The following SFRP4 variants were observed in gnomAD, a reference collection of about 807,000 sequenced individuals.
SFRP4 encodes the protein secreted frizzled-related protein 4.
In SFRP4, 25 loss-of-function variants were observed where a neutral mutation model predicts 36.3. The observed-to-expected ratio is 0.69, with a 90% confidence interval of 0.50 to 0.96. The LOEUF (loss-of-function observed/expected upper bound fraction) is 0.96. Among genes scored for constraint, SFRP4 ranks in the 40% least tolerant of loss-of-function variants. The probability of loss-of-function intolerance (pLI) is 0.00; values close to 1 mark genes in which losing one functional copy is unlikely to be tolerated. For synonymous variants in SFRP4, 182 were observed against 168.8 expected, an observed-to-expected ratio of 1.08 and a Z score of -0.60; for missense variants, 487 against 459.6, an observed-to-expected ratio of 1.06 and a Z score of -0.54.
In SFRP4 at chr7:37,916,549, C is replaced by T. The variant is rs767154501; in HGVS notation, c.-12G>A. 6.3e-7 allele frequency: 1 copy of T among 1,596,180 alleles called. No homozygotes were observed. ...ATGGAGAGGAACATGGCACTGCCCT[C>T]TCGCGCTGCGACCCCGGCAGACAGA... On this transcript the variant is annotated 5_prime_UTR_variant, in exon 1 of 6. Transcript: ENST00000436072. The surrounding 1 kb of genome is among the most constrained non-coding windows in gnomAD (Gnocchi z 4.1).
chr7:37,915,161 T>G (rs180774409), intron 1 of SFRP4, among the ~76,000 whole-genome samples: 17 of 152,370 alleles, frequency 1.1e-4, no homozygotes, highest in African/African-American at 3.8e-4. Flanking sequence ...CCTCATATCT[T>G]GCAGTGCAGA....
Position 37,912,202 on chromosome 7 carries a change from C to T in SFRP4, c.708G>A (p.Pro236=), listed in dbSNP as rs201521536. 4.7e-5 allele frequency: 76 copies of T among 1,614,026 alleles called. No homozygotes were observed. The highest frequency in any genetic ancestry group is 1.8e-4 in the East Asian group (8 of 44,892). Residue 236 remains proline (P), a synonymous_variant, in exon 4 of 6, where the codon CCG becomes CCA. Coordinates refer to ENST00000436072, the MANE Select transcript of SFRP4 (RefSeq NM_003014.4). ...SSSPIPRTQV[P]LITNSSCQCP... ...ACTGGCAAGAAGAATTTGTAATGAG[C>T]GGGACTTGAGTTCGAGGGATGGGTG...
Position 37,916,214 on chromosome 7 carries a change from G to C in SFRP4, c.324C>G (p.Cys108Trp). The C allele has an allele frequency of 6.2e-7, 1 of 1,614,188 alleles. No individual in the cohort carries two copies. Among genetic ancestry groups the C allele is most frequent in the Non-Finnish European group, 8.5e-7 (1 of 1,180,034 alleles). The stretch of plus-strand genomic sequence containing the variant: ...GGTTGTACATCTTCATGAGGGGCTC[G>C]CAGTCGTCGCGCGCGCGTTGGCACA... ...KSVCQRARDD[C>W]EPLMKMYNHS... The change falls in exon 1 of 6, where the codon TGC becomes TGG. Residue 108 changes from cysteine to tryptophan, a missense_variant. By Grantham distance (215) the Cys-to-Trp change is radical. Transcript: ENST00000436072. This position sits in a 1 kb window ranked among gnomAD's most constrained non-coding sequence, Gnocchi z 4.1.
At chr7:37,907,722 G>C (rs1474595222) in intron 5 of SFRP4, 58 bp from the exon 6 acceptor site, 1 of 1,335,268 alleles carries the variant, frequency 7.5e-7, no homozygotes, top group Non-Finnish European at 1.0e-6. Flanking sequence ...ATGGTGCTCA[G>C]CTAATGTGAA....
At position 37,909,597 on chromosome 7, in the gene SFRP4, G is replaced by A; in HGVS notation, c.855+20C>T. 1.4e-6 allele frequency: 2 copies of A among 1,449,774 alleles called. No individual in the cohort carries two copies. Among genetic ancestry groups the A allele is most frequent in the East Asian group, 2.4e-5 (1 of 41,154 alleles). 89.8% of individuals were successfully genotyped at this position (1,449,774 alleles called of 1,614,324 possible). A position where few individuals can be genotyped will look rare whatever the true frequency, so the allele number is the denominator to read the frequency against. On this transcript the variant is annotated intron_variant, in intron 5 of 5. Coordinates refer to ENST00000436072, the MANE Select transcript of SFRP4 (RefSeq NM_003014.4). ...ATGTGCACTTACATCCATCTTCACA[G>A]CATTGTTCATGATACTTACTATGGA... is the stretch of plus-strand genomic sequence containing the variant.
chr7:37,909,537 A>G, intron 5 of SFRP4, 80 bp downstream of exon 5: 1 of 773,554 alleles, frequency 1.3e-6, no homozygotes, highest in Non-Finnish European at 2.0e-6. Context: ...AGATTAGAGA[A>G]TGGGAAGAAT....
At chr7:37,914,724 G>T (rs1265434251) in intron 1 of SFRP4, among the ~76,000 whole-genome samples, 1 of 152,152 alleles carries the variant, frequency 6.6e-6, no homozygotes, top group African/African-American at 2.4e-5. Context: ...AATTAGCCAG[G>T]CATGGTGGTG....
At chr7:37,908,664 T>C (rs1431978891) in intron 5 of SFRP4, among the ~76,000 whole-genome samples, 1 of 152,180 alleles carries the variant, frequency 6.6e-6, no homozygotes, top group Admixed American at 6.5e-5. Context: ...CTTGCCTTCA[T>C]GTATTGATGC....
In SFRP4 at chr7:37,916,665, A is replaced by C; in HGVS notation, c.-128T>G. ...GGGCGCAGGAGAGTTTCTTCCCCCA[A>C]ACTCCAGTCGGCAGCAAAGCGGGGC... On this transcript the variant is annotated 5_prime_UTR_variant, in exon 1 of 6. Coordinates refer to ENST00000436072, the MANE Select transcript of SFRP4 (RefSeq NM_003014.4). This position sits in a 1 kb window ranked among gnomAD's most constrained non-coding sequence, Gnocchi z 4.1. 3.7e-6 allele frequency: 5 copies of C among 1,362,676 alleles called. No individual in the cohort carries two copies. The highest frequency in any genetic ancestry group is 4.9e-6 in the Non-Finnish European group (5 of 1,023,538). 84.4% of individuals were successfully genotyped at this position (1,362,676 alleles called of 1,614,324 possible).
intron 1 of SFRP4, 54 bp from the exon 2 acceptor site, chr7:37,914,507 C>T (rs1042417927): frequency 1.6e-5 from 20 of 1,278,014 alleles, no homozygotes; most frequent in Non-Finnish European, 2.1e-5. Context: ...TCTGTTCACC[C>T]AGCTGGTATA....
In SFRP4 at chr7:37,907,407, A is replaced by C; in HGVS notation, c.*72T>G. ...GGGCAAGGGGCACATGGCCTTACATAGGCTGTCCCAGGCAATGCCCAGCCT... is the reference window on the plus strand; with the variant it reads ...GGGCAAGGGGCACATGGCCTTACATCGGCTGTCCCAGGCAATGCCCAGCCT... On this transcript the variant is annotated 3_prime_UTR_variant, in exon 6 of 6. Coordinates refer to ENST00000436072, the MANE Select transcript of SFRP4 (RefSeq NM_003014.4). 7.4e-7 allele frequency: 1 copy of C among 1,349,164 alleles called. No individual in the cohort carries two copies. Among genetic ancestry groups the C allele is most frequent in the Non-Finnish European group, 1.0e-6 (1 of 967,774 alleles). The allele number at this position is 1,349,164 out of a possible 1,614,324, so 83.6% of individuals were successfully genotyped here. A position where few individuals can be genotyped will look rare whatever the true frequency, so the allele number is the denominator to read the frequency against.
chr7:37,916,211 C>A lies in SFRP4; in HGVS notation c.327G>T (p.Glu109Asp). The A allele has an allele frequency of 1.2e-6, 2 of 1,614,198 alleles. No homozygotes were observed. The highest frequency in any genetic ancestry group is 1.7e-6 in the Non-Finnish European group (2 of 1,180,038). Reference sequence around the variant, plus strand: ...TGTGGTTGTACATCTTCATGAGGGGCTCGCAGTCGTCGCGCGCGCGTTGGC... The same window carrying A: ...TGTGGTTGTACATCTTCATGAGGGGATCGCAGTCGTCGCGCGCGCGTTGGC... ...SVCQRARDDCEPLMKMYNHSW... is the reference protein window; with the variant it reads ...SVCQRARDDCDPLMKMYNHSW... The change falls in exon 1 of 6, where the codon GAG becomes GAT. Residue 109 changes from glutamate to aspartate, a missense_variant. Coordinates refer to ENST00000436072, the MANE Select transcript of SFRP4 (RefSeq NM_003014.4). The surrounding 1 kb of genome is among the most constrained non-coding windows in gnomAD (Gnocchi z 4.1).
chr7:37,914,253 C>A lies in SFRP4; in HGVS notation c.552G>T (p.Lys184Asn). 1 of 1,614,170 alleles carries A rather than the reference C, an allele frequency of 6.2e-7. No individual in the cohort carries two copies. The highest frequency in any genetic ancestry group is 8.5e-7 in the Non-Finnish European group (1 of 1,180,012). The change falls in exon 3 of 6, where the codon AAG becomes AAT. Residue 184 changes from lysine to asparagine, a missense_variant. Transcript: ENST00000436072. ...SPDRCKCKKV[K>N]PTLATYLSKN... ...TGCTGAGATACGTTGCCAAAGTTGGCTTCACCTTTTTACACTTGCACCGAT... is the reference window on the plus strand; with the variant it reads ...TGCTGAGATACGTTGCCAAAGTTGGATTCACCTTTTTACACTTGCACCGAT...
Position 37,916,480 on chromosome 7 carries a change from G to A in SFRP4, c.58C>T (p.Arg20Cys). 2 of 1,612,778 alleles carry A rather than the reference G, an allele frequency of 1.2e-6. No individual in the cohort carries two copies. The highest frequency in any genetic ancestry group is 2.7e-5 in the African/African-American group (2 of 75,028). Residue 20 changes from arginine (R) to cysteine (C), a missense_variant, in exon 1 of 6, where the codon CGC (arginine) becomes TGC (cysteine). By Grantham distance (180) the Arg-to-Cys change is radical (BLOSUM62 -3). Transcript: ENST00000436072. The surrounding 1 kb of genome is among the most constrained non-coding windows in gnomAD (Gnocchi z 4.1). ...CGCACCGCCTCGCAGGGCGCGCCGC[G>A]CACGCCCAGCGCCAGGTGCAGCCAC... is the stretch of plus-strand genomic sequence containing the variant. ...CLWLHLALGV[R>C]GAPCEAVRIP...
rs755007671 is a variant in SFRP4 at position 37,912,216 on chromosome 7, G to C, written c.694C>G (p.Arg232Gly). 2 of 1,614,094 alleles carry C rather than the reference G, an allele frequency of 1.2e-6. No homozygotes were observed. The highest frequency in any genetic ancestry group is 1.7e-6 in the Non-Finnish European group (2 of 1,179,930). ...EIFKSSSPIP[R>G]TQVPLITNSS... ...TTTGTAATGAGCGGGACTTGAGTTC[G>C]AGGGATGGGTGATGAGGACTTGAAG... is the stretch of plus-strand genomic sequence containing the variant. The change falls in exon 4 of 6, where the codon CGA becomes GGA. Residue 232 changes from arginine to glycine, a missense_variant. Transcript: ENST00000436072.
chr7:37,910,621 C>CT (rs1219269040), intron 4 of SFRP4, among the ~76,000 whole-genome samples: 1 of 151,666 alleles, frequency 6.6e-6, no homozygotes, highest in African/African-American at 2.4e-5. Context: ...TAATTTTGTC[C>CT]TTTTTTTAAA....
At position 37,914,473 on chromosome 7, in the gene SFRP4, A is replaced by C; in HGVS notation, c.446-20T>G. 6.3e-7 allele frequency: 1 copy of C among 1,597,342 alleles called. No individual in the cohort carries two copies. Among genetic ancestry groups the C allele is most frequent in the South Asian group, 1.1e-5 (1 of 90,708 alleles). On this transcript the variant is annotated intron_variant, in intron 1 of 5. Transcript: ENST00000436072. ...TAACATCTGAAACACAAACAGGGCC[A>C]CATGGGCGTGGTTGGTGATTTGGTC...
Position 37,906,859 on chromosome 7 carries a change from A to C in SFRP4, c.*620T>G, listed in dbSNP as rs1232508642. 1 of 152,128 alleles carries C rather than the reference A, an allele frequency of 6.6e-6. No individual in the cohort carries two copies. Among genetic ancestry groups the C allele is most frequent in the African/African-American group, 2.4e-5 (1 of 41,424 alleles). The allele number at this position is 152,128 out of a possible 1,614,324, so 9.4% of individuals were successfully genotyped here. On this transcript the variant is annotated 3_prime_UTR_variant, in exon 6 of 6. Transcript: ENST00000436072. The stretch of plus-strand genomic sequence containing the variant: ...ATTTTTGTTTTTAGAGTTTCTAGCT[A>C]AAAACAGAGCTGAAGTCATTGTAAA...
rs142701985 is a variant in SFRP4 at position 37,916,432 on chromosome 7, G to A, written c.106C>T (p.Pro36Ser). The A allele has an allele frequency of 3.7e-6, 6 of 1,614,048 alleles. No individual in the cohort carries two copies. The East Asian group carries it at 1.1e-4, about 30-fold the overall frequency. ...AVRIPMCRHM[P>S]WNITRMPNHL... The stretch of plus-strand genomic sequence containing the variant: ...TTGGGCATCCGCGTGATGTTCCAGG[G>A]CATGTGCCGGCACATAGGGATGCGC... The change falls in exon 1 of 6, where the codon CCC (proline) becomes TCC (serine). Residue 36 changes from proline to serine, a missense_variant. By Grantham distance (74) the Pro-to-Ser change is moderately conservative. Coordinates refer to ENST00000436072, the MANE Select transcript of SFRP4 (RefSeq NM_003014.4). This position sits in a 1 kb window ranked among gnomAD's most constrained non-coding sequence, Gnocchi z 4.1.
Sources: allele counts gnomAD v4.1 joint callset (sites outside exome capture counted in the v4.1 genomes callset), GRCh38; gene constraint gnomAD v4.1.1; non-coding constraint Gnocchi (gnomAD v3.1); transcripts MANE v1.5; gene names NCBI Gene and HGNC (gene_info 2026-07-23, HGNC 2026-07-21).